Variants in PDE1A observed in about 807,000 individuals in gnomAD.
The protein encoded by PDE1A is dual specificity calcium/calmodulin-dependent 3',5'-cyclic nucleotide phosphodiesterase 1A.
Under a neutral mutation model 61.7 loss-of-function variants are expected in PDE1A, and 35 were observed. That is an observed-to-expected ratio of 0.57 (90% CI 0.43 to 0.75). The LOEUF (loss-of-function observed/expected upper bound fraction) is 0.75. Ranked by LOEUF, PDE1A falls within the 30% of genes least tolerant of loss-of-function variation. The pLI is 0.00. For missense variants in PDE1A, 597 were observed against 630.6 expected (o/e 0.95, Z 0.57); for synonymous variants, 232 against 213.2 (o/e 1.09, Z -0.77).
At chr2:182,234,267 T>C (rs1249554772) in intron 4 of PDE1A, among the ~76,000 whole-genome samples, 165 bp downstream of exon 4, 1 of 152,164 alleles carries the variant, frequency 6.6e-6, no homozygotes, top group East Asian at 1.9e-4. Flanking sequence ...CAGTGAGTCA[T>C]GATTTGGAAC....
chr2:182,252,721 C>T (rs1691492864), intron 2 of PDE1A, among the ~76,000 whole-genome samples: 1 of 152,170 alleles, frequency 6.6e-6, no homozygotes, highest in Admixed American at 6.5e-5. Context: ...GAATGCCCCA[C>T]CCTATCCCCA....
chr2:182,156,967 G>A (rs769745338), intron 13 of PDE1A, among the ~76,000 whole-genome samples: 14 of 150,138 alleles, frequency 9.3e-5, no homozygotes, highest in South Asian at 4.2e-4. Flanking sequence ...TTTTTGTTTC[G>A]TTGAATTTTT....
chr2:182,508,005 T>C (rs1689520743), intron 2 of PDE1A, among the ~76,000 whole-genome samples: 2 of 152,178 alleles, frequency 1.3e-5, no homozygotes, highest in African/African-American at 4.8e-5. Flanking sequence ...GACTACTCAT[T>C]TGACTTCAGG....
intron 1 of PDE1A, among the ~76,000 whole-genome samples, chr2:182,287,392 AT>A (rs887354007): frequency 2.0e-5 from 3 of 152,164 alleles, no homozygotes; most frequent in Admixed American, 6.6e-5. Flanking sequence ...CAGGCTATTT[AT>A]TTTTTATTTG....
intron 13 of PDE1A, among the ~76,000 whole-genome samples, chr2:182,173,589 T>C (rs943465188): frequency 1.3e-5 from 2 of 151,484 alleles, no homozygotes; most frequent in African/African-American, 4.8e-5. Context: ...TAATTTAAAA[T>C]ATATAAAATT....
chr2:182,512,497 A>G (rs1326808866), intron 2 of PDE1A, among the ~76,000 whole-genome samples: 1 of 152,230 alleles, frequency 6.6e-6, no homozygotes. Flanking sequence ...CAGCTTACAC[A>G]GATAAGAAAG....
chr2:182,703,788 T>TA, the PDE1A span, among the ~76,000 whole-genome samples: 4 of 152,074 alleles, frequency 2.6e-5, no homozygotes, highest in Non-Finnish European at 5.9e-5. Context: ...ATAAAATACA[T>TA]AAAGTACCTA....
intron 1 of PDE1A, among the ~76,000 whole-genome samples, chr2:182,329,833 G>T (rs1697286047): frequency 6.6e-6 from 1 of 152,102 alleles, no homozygotes; most frequent in South Asian, 2.1e-4. Context: ...CCATTAATTT[G>T]CATGCTTACT....
intron 1 of PDE1A, among the ~76,000 whole-genome samples, chr2:182,280,147 T>A (rs1386026239): frequency 1.3e-5 from 2 of 151,980 alleles, no homozygotes; most frequent in South Asian, 2.1e-4. Context: ...GGGTTTTTTT[T>A]ATTACCCAAA....
the PDE1A span, among the ~76,000 whole-genome samples, chr2:182,675,424 G>C: frequency 6.6e-6 from 1 of 152,124 alleles, no homozygotes; most frequent in South Asian, 2.1e-4. Context: ...ATATTCACAT[G>C]AATGTGTCTT....
At chr2:182,460,313 C>G (rs745688013) in intron 2 of PDE1A, among the ~76,000 whole-genome samples, 1 of 152,112 alleles carries the variant, frequency 6.6e-6, no homozygotes, top group African/African-American at 2.4e-5. Context: ...ACAGGTCAAG[C>G]CTCACTTCCC....
downstream of PDE1A, among the ~76,000 whole-genome samples, chr2:182,145,375 A>T (rs1383826133): frequency 6.6e-6 from 1 of 152,064 alleles, no homozygotes; most frequent in Non-Finnish European, 1.5e-5. Flanking sequence ...AAAAAAAAAA[A>T]TTGCCAAATC....
intron 8 of PDE1A, among the ~76,000 whole-genome samples, chr2:182,202,307 C>G (rs1686726635): frequency 6.6e-6 from 1 of 152,138 alleles, no homozygotes; most frequent in African/African-American, 2.4e-5. Context: ...GATTCTTCTT[C>G]ATTTTGCATT....
intron 1 of PDE1A, among the ~76,000 whole-genome samples, chr2:182,414,187 A>G (rs1340152930): frequency 6.6e-6 from 1 of 152,134 alleles, no homozygotes; most frequent in Non-Finnish European, 1.5e-5. Context: ...TTCCTGGTCT[A>G]CATTTTGAAG....
At chr2:182,601,778 G>C in the PDE1A span, among the ~76,000 whole-genome samples, 1 of 152,202 alleles carries the variant, frequency 6.6e-6, no homozygotes, top group Non-Finnish European at 1.5e-5. Flanking sequence ...GCTCTTAGCA[G>C]AGTAGAGACC....
Position 182,186,319 on chromosome 2 carries a change from TGCAATATAATATAAAGCCACTAGGTG to T in PDE1A, c.1328+123_1328+148del, listed in dbSNP as rs1358349868. ...TTAAACTTCAGTTGTCAAAGGCAGA[TGCAATATAATATAAAGCCACTAGGTG>T]GCAATACTCCCTAATAATTCTTGTG... On this transcript the variant is annotated intron_variant, in intron 12 of 13. Coordinates refer to ENST00000351439, the Ensembl canonical transcript of PDE1A. 23 of 939,700 alleles carry T rather than the reference TGCAATATAATATAAAGCCACTAGGTG, an allele frequency of 2.4e-5. No individual in the cohort carries two copies. In the East Asian group the frequency reaches 5.7e-4, roughly 23 times the overall value. The allele number at this position is 939,700 out of a possible 1,614,324, so 58.2% of individuals were successfully genotyped here.
intron 13 of PDE1A, among the ~76,000 whole-genome samples, chr2:182,155,070 C>A (rs1196074): frequency 0.74 from 106,077 of 143,044 alleles, 39,597 homozygotes; most frequent in East Asian, 0.9. Flanking sequence ...AAAAAATGTC[C>A]AATTTTAATT....
intron 1 of PDE1A, among the ~76,000 whole-genome samples, chr2:182,387,966 A>C (rs1278484016): frequency 1.3e-5 from 2 of 152,154 alleles, no homozygotes; most frequent in Non-Finnish European, 2.9e-5. Context: ...AAACACATAG[A>C]CTCAAAGTGA....
chr2:182,563,711 C>A, the PDE1A span, among the ~76,000 whole-genome samples: 3 of 152,098 alleles, frequency 2.0e-5, no homozygotes, highest in East Asian at 1.9e-4. Flanking sequence ...GTAGGTCACT[C>A]AGGACTTGCT....
Sources: allele counts gnomAD v4.1 joint callset (sites outside exome capture counted in the v4.1 genomes callset), GRCh38; gene constraint gnomAD v4.1.1; transcripts MANE v1.5; gene names NCBI Gene and HGNC (gene_info 2026-07-23, HGNC 2026-07-21).